The following TTC6 variants were observed in gnomAD, a reference collection of about 807,000 sequenced individuals.
The protein encoded by TTC6 is tetratricopeptide repeat domain 6.
A neutral mutation model predicts 210.4 loss-of-function variants in TTC6; 172 were observed. That is an observed-to-expected ratio of 0.82 (90% confidence interval 0.72 to 0.93). The LOEUF (loss-of-function observed/expected upper bound fraction) is 0.93, where lower values mean the gene tolerates loss of function less well. Ranked by LOEUF, TTC6 falls within the 40% of genes least tolerant of loss-of-function variation. The probability of loss-of-function intolerance (pLI) is 0.00; values close to 1 mark genes in which losing one functional copy is unlikely to be tolerated. For missense variants in TTC6, 2,414 were observed against 2,318.1 expected (o/e 1.04, Z -0.85); for synonymous variants, 804 against 819.6 (o/e 0.98, Z 0.32).
intron 9 of TTC6, among the ~76,000 whole-genome samples, chr14:37,737,962 A>G (rs746284111): frequency 2.0e-5 from 3 of 151,936 alleles, no homozygotes; most frequent in South Asian, 2.1e-4. Flanking sequence ...ACTGGCTTGT[A>G]TGAAATTATT....
intron 7 of TTC6, among the ~76,000 whole-genome samples, chr14:37,733,962 G>C (rs565914389): frequency 9.1e-4 from 138 of 152,022 alleles, no homozygotes; most frequent in Middle Eastern, 3.4e-3. Flanking sequence ...GTTCTTCTTA[G>C]TATTTCTATT....
intron 1 of TTC6, among the ~76,000 whole-genome samples, chr14:37,640,457 A>G (rs1365566391): frequency 2.6e-5 from 4 of 152,234 alleles, no homozygotes; most frequent in African/African-American, 7.2e-5. Context: ...TATTTAGGGT[A>G]AAAGCATCTC....
intron 14 of TTC6, among the ~76,000 whole-genome samples, chr14:37,763,642 G>C (rs1434662384): frequency 6.6e-6 from 1 of 151,972 alleles, no homozygotes; most frequent in African/African-American, 2.4e-5. Flanking sequence ...TTCTTCAAGG[G>C]TAGTAGCAAT....
exon 13 of TTC6, chr14:37,751,055 G>A (rs1192782943): frequency 6.6e-7 from 1 of 1,514,620 alleles, no homozygotes; most frequent in South Asian, 1.3e-5. Flanking sequence ...TTCTTTAGAG[G>A]CATATTTGTC....
At chr14:37,807,549 T>C (rs2096121328) in intron 23 of TTC6, 89 bp downstream of exon 25, 1 of 1,180,970 alleles carries the variant, frequency 8.5e-7, no homozygotes. Context: ...TTTTTTTCTA[T>C]GTGGTTGGGA....
chr14:37,712,028 T>C (rs1388367651), intron 5 of TTC6, among the ~76,000 whole-genome samples: 4 of 152,066 alleles, frequency 2.6e-5, no homozygotes, highest in Non-Finnish European at 4.4e-5. Flanking sequence ...AAAATCCGGA[T>C]AAAAATTTCC....
chr14:37,701,276 T>G (rs925068206), intron 4 of TTC6, 56 bp from the exon 7 acceptor site: 1 of 1,238,434 alleles, frequency 8.1e-7, no homozygotes, highest in Non-Finnish European at 1.0e-6. Flanking sequence ...AAATGTACTT[T>G]ATATCTAAAG....
At chr14:37,617,135 C>A (rs1200298452), upstream of TTC6, among the ~76,000 whole-genome samples, 1 of 152,134 alleles carries the variant, frequency 6.6e-6, no homozygotes, top group East Asian at 1.9e-4. Context: ...CTTGGCCTCC[C>A]AAAGCGCTGG....
intron 27 of TTC6, 97 bp downstream of exon 29, chr14:37,824,054 G>A: frequency 8.9e-7 from 1 of 1,125,678 alleles, no homozygotes; most frequent in Non-Finnish European, 1.3e-6. Flanking sequence ...TATTTCTTTG[G>A]TTATGAACAT....
upstream of TTC6, among the ~76,000 whole-genome samples, chr14:37,620,267 G>T (rs995950279): frequency 6.6e-6 from 1 of 152,114 alleles, no homozygotes; most frequent in African/African-American, 2.4e-5. Context: ...TAGAGTTCTA[G>T]TGTCTGTGTT....
chr14:37,621,335 C>T (rs1443644172), upstream of TTC6, among the ~76,000 whole-genome samples: 1 of 152,196 alleles, frequency 6.6e-6, no homozygotes, highest in African/African-American at 2.4e-5. Flanking sequence ...GTAAGCCAGA[C>T]ATGGTTGCTC....
At chr14:37,614,134 C>T (rs1018853147) in intron 2 of TTC6, among the ~76,000 whole-genome samples, 10 of 152,066 alleles carry the variant, frequency 6.6e-5, no homozygotes, top group African/African-American at 2.4e-4. Context: ...CCCACACATT[C>T]TGATATGTTG....
chr14:37,671,628 CAG>C (rs1021070712), intron 1 of TTC6, among the ~76,000 whole-genome samples: 1 of 151,984 alleles, frequency 6.6e-6, no homozygotes, highest in Non-Finnish European at 1.5e-5. Flanking sequence ...ACAGCAAAAA[CAG>C]TGTTTTTGAG....
intron 1 of TTC6, among the ~76,000 whole-genome samples, chr14:37,654,977 T>C (rs929375744): frequency 6.6e-6 from 1 of 152,232 alleles, no homozygotes; most frequent in Admixed American, 6.5e-5. Context: ...TTCCCTTATT[T>C]CTAAATTGAT....
chr14:37,819,318 CTGT>C (rs2096150019), intron 26 of TTC6, among the ~76,000 whole-genome samples: 1 of 151,760 alleles, frequency 6.6e-6, no homozygotes, highest in Admixed American at 6.6e-5. Context: ...GATGCATGGA[CTGT>C]AACTATGGGG....
chr14:37,805,014 T>C (rs12100507), intron 21 of TTC6, among the ~76,000 whole-genome samples, 200 bp downstream of exon 23: 1,621 of 152,322 alleles, frequency 0.011, 23 homozygotes, highest in African/African-American at 0.037. Context: ...ATTTGATGCT[T>C]GTTTGTCAAC....
At chr14:37,641,239 G>A (rs568011331) in intron 1 of TTC6, among the ~76,000 whole-genome samples, 5 of 152,308 alleles carry the variant, frequency 3.3e-5, no homozygotes, top group African/African-American at 4.8e-5. Context: ...ACAGTATTTG[G>A]TTGCGATTGA....
At chr14:37,796,754 C>G (rs762155208) in intron 19 of TTC6, 33 bp from the exon 22 acceptor site, 5 of 1,575,112 alleles carry the variant, frequency 3.2e-6, no homozygotes, top group Non-Finnish European at 4.3e-6. Flanking sequence ...TGATACTTGG[C>G]AAAGATATTG....
At chr14:37,651,405 ATATATATATATATATATATATTTTTT>A (rs1415743705) in intron 1 of TTC6, among the ~76,000 whole-genome samples, 7 of 16,098 alleles carry the variant, frequency 4.3e-4, no homozygotes, top group African/African-American at 2.0e-3. Flanking sequence ...ATATATATAT[ATATATATATATATATATATATTTTTT>A]TTTTTTTTTT....
Sources: gnomAD v4.1 joint callset for allele counts (sites outside exome capture counted in the v4.1 genomes callset) on GRCh38, gnomAD v4.1.1 for gene constraint, MANE v1.5 for transcripts, NCBI Gene and HGNC (gene_info 2026-07-23, HGNC 2026-07-21) for gene names.